Variants in PCDH10 observed in about 807,000 individuals in gnomAD.
The protein encoded by PCDH10 is protocadherin 10.
Under a neutral mutation model 74.4 loss-of-function variants are expected in PCDH10, and 15 were observed. That is an observed-to-expected ratio of 0.20 (90% CI 0.13 to 0.31). PCDH10 has a LOEUF of 0.31. Ranked by LOEUF, PCDH10 falls within the 10% of genes least tolerant of loss-of-function variation. The pLI is 1.00. For missense variants in PCDH10, 1,260 were observed against 1,390.2 expected, an observed-to-expected ratio of 0.91 and a Z score of 1.49; for synonymous variants, 619 against 589.8, an observed-to-expected ratio of 1.05 and a Z score of -0.72.
At chr4:133,189,754 G>A (rs1034114281) in intron 4 of PCDH10, among the ~76,000 whole-genome samples, 1 of 151,894 alleles carries the variant, frequency 6.6e-6, no homozygotes, top group African/African-American at 2.4e-5. Context: ...TATAAAACAA[G>A]TTATTTATAG....
At chr4:133,155,825 C>T (rs1480734507) in intron 3 of PCDH10, among the ~76,000 whole-genome samples, 1 of 152,096 alleles carries the variant, frequency 6.6e-6, no homozygotes, top group African/African-American at 2.4e-5. Context: ...AAAGGAAACT[C>T]TTACATGAAA....
intron 2 of PCDH10, among the ~76,000 whole-genome samples, chr4:133,205,143 G>A (rs939898416): frequency 6.6e-6 from 1 of 152,150 alleles, no homozygotes; most frequent in African/African-American, 2.4e-5. Context: ...GGAGCAGAGT[G>A]GGAAGGGAAC....
intron 4 of PCDH10, among the ~76,000 whole-genome samples, chr4:133,172,107 C>T (rs1276200291): frequency 6.6e-6 from 1 of 152,040 alleles, no homozygotes; most frequent in Non-Finnish European, 1.5e-5. Flanking sequence ...CATCACTCAG[C>T]TTGAACATGA....
rs767933341 is a variant in PCDH10, at chr4:133,191,928, AT to A, written c.*1773del. 2.7e-5 allele frequency: 4 copies of A among 149,262 alleles called. No individual in the cohort carries two copies. The East Asian group carries it at 5.9e-4, about 22-fold the overall frequency. 9.2% of individuals were successfully genotyped at this position (149,262 alleles called of 1,614,324 possible). On this transcript the variant is annotated 3_prime_UTR_variant, in exon 5 of 5. Transcript: ENST00000264360. ...CAAATTTTATGTAACTTAAGTGGAA[AT>A]TTTTCCCTAGATTTAACTTTAAAAT...
chr4:133,158,191 C>A (rs917941834), intron 3 of PCDH10, among the ~76,000 whole-genome samples: 1 of 152,084 alleles, frequency 6.6e-6, no homozygotes, highest in Admixed American at 6.6e-5. Flanking sequence ...TTTATTATAT[C>A]ATTAAAGCAT....
At chr4:133,153,215 G>T in intron 1 of PCDH10, 1 of 1,054,346 alleles carries the variant, frequency 9.5e-7, no homozygotes, top group Non-Finnish European at 1.2e-6. Flanking sequence ...GCTTTTAGTC[G>T]CGTGTACAAG....
chr4:133,169,954 A>T (rs146740307), intron 4 of PCDH10, among the ~76,000 whole-genome samples: 1 of 152,140 alleles, frequency 6.6e-6, no homozygotes, highest in African/African-American at 2.4e-5. Flanking sequence ...CTGAATTAAG[A>T]TTAAACTCAG....
chr4:133,198,832 A>G (rs1010750943), downstream of PCDH10, among the ~76,000 whole-genome samples: 26 of 152,288 alleles, frequency 1.7e-4, no homozygotes, highest in African/African-American at 6.3e-4. Context: ...GAAAAGGTAT[A>G]TTAGGTGATT....
Position 133,152,178 on chromosome 4 carries a change from G to A in PCDH10, c.2038G>A (p.Asp680Asn). ...STATLVVQLV[D>N]GAVEPQGGGG... ...CGCCACCCTGGTGGTTCAGCTGGTGGATGGCGCCGTGGAGCCCCAGGGCGG... is the reference window on the plus strand; with the variant it reads ...CGCCACCCTGGTGGTTCAGCTGGTGAATGGCGCCGTGGAGCCCCAGGGCGG... The change falls in exon 1 of 5, where the codon GAT (aspartate) becomes AAT (asparagine). Residue 680 changes from aspartate to asparagine, a missense_variant. Physicochemically the swap from Asp to Asn is conservative, Grantham distance 23 (BLOSUM62 1). Around this residue, in one of 11 missense-constraint regions of PCDH10, gnomAD observed 587 missense variants for 616.9 expected, o/e 0.95. Coordinates refer to ENST00000264360, the MANE Select transcript of PCDH10 (RefSeq NM_032961.3). The A allele has an allele frequency of 6.4e-7, 1 of 1,571,542 alleles. No individual in the cohort carries two copies. The highest frequency in any genetic ancestry group is 8.6e-7 in the Non-Finnish European group (1 of 1,159,286).
chr4:133,170,841 C>A (rs561432560), intron 4 of PCDH10, among the ~76,000 whole-genome samples: 1 of 151,934 alleles, frequency 6.6e-6, no homozygotes, highest in East Asian at 1.9e-4. Flanking sequence ...TACAGGCACA[C>A]GCCACCACAC....
intron 4 of PCDH10, among the ~76,000 whole-genome samples, chr4:133,189,336 A>G (rs1727609698): frequency 6.6e-6 from 1 of 152,088 alleles, no homozygotes; most frequent in South Asian, 2.1e-4. Flanking sequence ...TTCTGCTCTC[A>G]TTGTGCTTAT....
chr4:133,151,927 C>T lies in PCDH10; in HGVS notation c.1787C>T (p.Pro596Leu). The change falls in exon 1 of 5, where the codon CCG becomes CTG. Residue 596 changes from proline to leucine, a missense_variant. Pro to Leu is a moderately conservative substitution (Grantham distance 98). This residue lies in a region of PCDH10 where 587 missense variants were observed against 616.9 expected (regional missense o/e 0.95). Transcript: ENST00000264360. Reference sequence around the variant, plus strand: ...GAGGTGCTGCCCCGCTCGGCGGAGCCGGGTTACCTGCTCACCCGCGTGGCC... The same window carrying T: ...GAGGTGCTGCCCCGCTCGGCGGAGCTGGGTTACCTGCTCACCCGCGTGGCC... ...AREVLPRSAE[P>L]GYLLTRVAAV... 6.2e-7 allele frequency: 1 copy of T among 1,612,188 alleles called. No individual in the cohort carries two copies. Among genetic ancestry groups the T allele is most frequent in the Non-Finnish European group, 8.5e-7 (1 of 1,179,566 alleles).
At chr4:133,161,180 A>G (rs1487916897) in intron 3 of PCDH10, among the ~76,000 whole-genome samples, 2 of 152,112 alleles carry the variant, frequency 1.3e-5, no homozygotes, top group African/African-American at 4.8e-5. Flanking sequence ...TCAACAGTTC[A>G]CTGATCAGTA....
At chr4:133,166,828 A>G (rs1315547610) in intron 4 of PCDH10, among the ~76,000 whole-genome samples, 2 of 151,544 alleles carry the variant, frequency 1.3e-5, no homozygotes, top group African/African-American at 4.8e-5. Context: ...GAAGACAATC[A>G]TAAGAAACTC....
intron 3 of PCDH10, among the ~76,000 whole-genome samples, chr4:133,157,028 G>A (rs1726880882): frequency 6.6e-6 from 1 of 152,102 alleles, no homozygotes; most frequent in Admixed American, 6.5e-5. Context: ...GGCAGTTTTT[G>A]TTTTTATCAA....
intron 4 of PCDH10, among the ~76,000 whole-genome samples, chr4:133,177,156 G>A (rs1192285258): frequency 6.6e-6 from 1 of 151,938 alleles, no homozygotes; most frequent in Non-Finnish European, 1.5e-5. Context: ...GTAAATGAAA[G>A]CCATCTGTTA....
At chr4:133,200,759 C>T (rs1350610476) in intron 2 of PCDH10, among the ~76,000 whole-genome samples, 1 of 152,160 alleles carries the variant, frequency 6.6e-6, no homozygotes, top group East Asian at 1.9e-4. Context: ...CACCCTAATC[C>T]TTTCTCTTGA....
Position 133,150,127 on chromosome 4 carries a change from C to G in PCDH10, c.-14C>G, listed in dbSNP as rs1178559836. ...CTGACTGGCTGCGGGAAGCTACTTCCTTTCCTTTTGGAGATGATTGTGCTA... is the reference window on the plus strand; with the variant it reads ...CTGACTGGCTGCGGGAAGCTACTTCGTTTCCTTTTGGAGATGATTGTGCTA... On this transcript the variant is annotated 5_prime_UTR_variant, in exon 1 of 5. Transcript: ENST00000264360. 13 of 1,494,646 alleles carry G rather than the reference C, an allele frequency of 8.7e-6. No individual in the cohort carries two copies. Among genetic ancestry groups the G allele is most frequent in the Non-Finnish European group, 4.5e-6 (5 of 1,119,406 alleles). The allele number at this position is 1,494,646 out of a possible 1,614,324, so 92.6% of individuals were successfully genotyped here.
intron 1 of PCDH10, chr4:133,153,397 TTGAA>T (rs1173094318): frequency 3.6e-6 from 1 of 276,846 alleles, no homozygotes; most frequent in Non-Finnish European, 5.5e-6. Context: ...CAGTGTGAAT[TTGAA>T]TGAAGCTGCG....
Sources: allele counts gnomAD v4.1 joint callset (sites outside exome capture counted in the v4.1 genomes callset), GRCh38; gene constraint gnomAD v4.1.1; regional missense constraint gnomAD v4.1.1; transcripts MANE v1.5; gene names NCBI Gene and HGNC (gene_info 2026-07-23, HGNC 2026-07-21).